TGM2: variants seen among roughly 807,000 people sequenced by gnomAD.
TGM2 encodes protein-glutamine gamma-glutamyltransferase 2.
Under a neutral mutation model 75.6 loss-of-function variants are expected in TGM2, and 53 were observed. The ratio of observed to expected loss-of-function variants is 0.70; its 90% CI spans 0.56 to 0.88. TGM2 has a LOEUF of 0.88. Ranked by LOEUF, TGM2 falls within the 40% of genes least tolerant of loss-of-function variation. The pLI is 0.00. For missense variants in TGM2, 842 were observed against 928.5 expected, an observed-to-expected ratio of 0.91 and a Z score of 1.21; for synonymous variants, 374 against 381.1, an observed-to-expected ratio of 0.98 and a Z score of 0.22.
At chr20:38,135,532 A>T (rs956973045) in intron 10 of TGM2, among the ~76,000 whole-genome samples, 9 of 149,502 alleles carry the variant, frequency 6.0e-5, no homozygotes, top group African/African-American at 2.3e-4. Flanking sequence ...GAGGAGAGGA[A>T]TACCCAGGAG....
At chr20:38,132,611 C>G in intron 10 of TGM2, 111 bp from the exon 11 acceptor site, 1 of 1,445,982 alleles carries the variant, frequency 6.9e-7, no homozygotes, top group Admixed American at 1.7e-5. Flanking sequence ...GGTCACACAG[C>G]GGGGGAATGG....
At chr20:38,165,369 C>A, upstream of TGM2, 1 of 895,770 alleles carries the variant, frequency 1.1e-6, no homozygotes, top group South Asian at 1.6e-5. Context: ...ACCCATTGCC[C>A]AGTCCCGGGC....
At chr20:38,142,330 T>C in intron 6 of TGM2, 131 bp from the exon 7 acceptor site, 1 of 1,434,706 alleles carries the variant, frequency 7.0e-7, no homozygotes, top group Admixed American at 2.0e-5. Flanking sequence ...GAGCCAGCCC[T>C]TCCTGCCGGG....
intron 10 of TGM2, among the ~76,000 whole-genome samples, chr20:38,134,543 G>C: frequency 6.6e-6 from 1 of 152,200 alleles, no homozygotes; most frequent in East Asian, 1.9e-4. Context: ...CCACGGCCTT[G>C]GTCTTGGGCC....
intron 3 of TGM2, among the ~76,000 whole-genome samples, chr20:38,154,530 A>G (rs1208972982): frequency 6.6e-6 from 1 of 152,080 alleles, no homozygotes; most frequent in Admixed American, 6.5e-5. Context: ...CTTTGTTCCA[A>G]GCTCTCCCCT....
Position 38,130,027 on chromosome 20 carries a change from G to C in TGM2, c.*192C>G, listed in dbSNP as rs774977833. On this transcript the variant is annotated 3_prime_UTR_variant, in exon 13 of 13. Coordinates refer to ENST00000361475, the MANE Select transcript of TGM2 (RefSeq NM_004613.4). ...GCACAGAGCATTCCTCACAGCAAAG[G>C]GGGTGAGTGGGGACCCACAGGCTCA... 8 of 690,458 alleles carry C rather than the reference G, an allele frequency of 1.2e-5. No homozygotes were observed. The highest frequency in any genetic ancestry group is 5.5e-5 in the East Asian group (2 of 36,570). The allele number at this position is 690,458 out of a possible 1,614,324, so 42.8% of individuals were successfully genotyped here.
chr20:38,139,767 C>G, intron 8 of TGM2, 113 bp from the exon 9 acceptor site: 2 of 1,418,086 alleles, frequency 1.4e-6, no homozygotes, highest in Non-Finnish European at 1.9e-6. Flanking sequence ...CCACGCGGCC[C>G]TCTGACGGAA....
At chr20:38,143,211 T>TAA (rs2074997417) in intron 6 of TGM2, among the ~76,000 whole-genome samples, 1 of 152,070 alleles carries the variant, frequency 6.6e-6, no homozygotes, top group Non-Finnish European at 1.5e-5. Context: ...GATAGGGACT[T>TAA]AAAGACTCAA....
At chr20:38,136,840 C>T (rs1035915704) in intron 10 of TGM2, among the ~76,000 whole-genome samples, 8 of 152,084 alleles carry the variant, frequency 5.3e-5, no homozygotes, top group African/African-American at 1.9e-4. Flanking sequence ...TCAGTGGCCA[C>T]GGCTCCTCTG....
intron 2 of TGM2, among the ~76,000 whole-genome samples, chr20:38,159,588 A>G (rs2075230553): frequency 6.6e-6 from 1 of 152,204 alleles, no homozygotes; most frequent in Non-Finnish European, 1.5e-5. Context: ...TGCCCAAGCC[A>G]GCAGCTCATC....
chr20:38,141,245 C>T, intron 8 of TGM2, 37 bp downstream of exon 8: 1 of 1,508,214 alleles, frequency 6.6e-7, no homozygotes, highest in Non-Finnish European at 9.0e-7. Flanking sequence ...GCCTCGTCTT[C>T]CCCATCTGTT....
chr20:38,161,046 C>T (rs915836385), intron 2 of TGM2, among the ~76,000 whole-genome samples: 4 of 152,098 alleles, frequency 2.6e-5, no homozygotes, highest in African/African-American at 9.7e-5. Flanking sequence ...CTCAGGTGAT[C>T]CGCCCTCCTC....
intron 1 of TGM2, among the ~76,000 whole-genome samples, chr20:38,163,644 C>T (rs141559464): frequency 4.6e-5 from 7 of 152,284 alleles, no homozygotes; most frequent in South Asian, 2.1e-4. Flanking sequence ...CCACCATGTC[C>T]TGTGTTGTTC....
intron 6 of TGM2, chr20:38,145,869 G>C (rs1440240428): frequency 6.7e-6 from 1 of 149,634 alleles, no homozygotes; most frequent in Non-Finnish European, 1.5e-5. Flanking sequence ...CAGGGGTCAA[G>C]CGATCTTCCT....
chr20:38,141,190 C>T (rs2074967716), intron 8 of TGM2, 92 bp downstream of exon 8: 1 of 1,038,880 alleles, frequency 9.6e-7, no homozygotes, highest in Admixed American at 2.0e-5. Flanking sequence ...TCCGGGTGAG[C>T]TCCTAGTTCT....
chr20:38,156,127 G>C (rs750921774), intron 2 of TGM2, 38 bp from the exon 3 acceptor site: 1 of 1,597,440 alleles, frequency 6.3e-7, no homozygotes, highest in East Asian at 2.2e-5. Context: ...GCTAGGGGTA[G>C]CAGGGCTGGC....
chr20:38,153,289 C>T (rs2075136959), intron 3 of TGM2, among the ~76,000 whole-genome samples: 1 of 152,060 alleles, frequency 6.6e-6, no homozygotes, highest in Non-Finnish European at 1.5e-5. Context: ...CTTTGGGAGG[C>T]CGAGGTGGGC....
chr20:38,140,756 C>G (rs561777839), intron 8 of TGM2, among the ~76,000 whole-genome samples: 1 of 152,292 alleles, frequency 6.6e-6, no homozygotes, highest in African/African-American at 2.4e-5. Flanking sequence ...TTTTTTAAAA[C>G]TTGTGACAAC....
At chr20:38,143,199 A>C (rs1346122619) in intron 6 of TGM2, among the ~76,000 whole-genome samples, 2 of 152,132 alleles carry the variant, frequency 1.3e-5, no homozygotes, top group Admixed American at 1.3e-4. Context: ...GACTCTCCCC[A>C]AGATAGGGAC....
Sources: allele counts gnomAD v4.1 joint callset (sites outside exome capture counted in the v4.1 genomes callset), GRCh38; gene constraint gnomAD v4.1.1; transcripts MANE v1.5; gene names NCBI Gene and HGNC (gene_info 2026-07-23, HGNC 2026-07-21).